The following KCNMB2 variants were observed in gnomAD, a reference collection of about 807,000 sequenced individuals.
KCNMB2 encodes the protein potassium calcium-activated channel subfamily M regulatory beta subunit 2, also known as calcium-activated potassium channel subunit beta-2.
In KCNMB2, 9 loss-of-function variants were observed where a neutral mutation model predicts 24.5. The observed-to-expected ratio is 0.37, with a 90% CI of 0.22 to 0.64. The LOEUF (loss-of-function observed/expected upper bound fraction) is 0.64. Among genes scored for constraint, KCNMB2 ranks in the 30% least tolerant of loss-of-function variants. The pLI, the probability that KCNMB2 is intolerant of heterozygous loss-of-function variation, is 0.63. For missense variants in KCNMB2, 226 were observed against 284.3 expected, an observed-to-expected ratio of 0.79 and a Z score of 1.47; for synonymous variants, 109 against 104.4, an observed-to-expected ratio of 1.04 and a Z score of -0.27.
At chr3:178,695,968 C>A (rs1225032184) in intron 1 of KCNMB2, among the ~76,000 whole-genome samples, 2 of 152,202 alleles carry the variant, frequency 1.3e-5, no homozygotes, top group African/African-American at 2.4e-5. Context: ...AGTCCATGCT[C>A]ACACTGCTAA....
chr3:178,614,812 G>A (rs138160932), intron 1 of KCNMB2, among the ~76,000 whole-genome samples: 5 of 152,226 alleles, frequency 3.3e-5, no homozygotes, highest in African/African-American at 1.2e-4. Flanking sequence ...ATGTTTTCAT[G>A]GATGGTATTG....
chr3:178,675,068 T>C (rs1721027313), intron 1 of KCNMB2, among the ~76,000 whole-genome samples: 2 of 152,208 alleles, frequency 1.3e-5, no homozygotes, highest in Admixed American at 1.3e-4. Context: ...TCTTATTGCT[T>C]TTAATCCTCA....
At chr3:178,550,414 C>T (rs1256310431) in intron 1 of KCNMB2, among the ~76,000 whole-genome samples, 2 of 144,410 alleles carry the variant, frequency 1.4e-5, no homozygotes, top group South Asian at 2.2e-4. Flanking sequence ...GCCAAGATAG[C>T]GCCACTGCAC....
rs185212137 is a variant in KCNMB2 at position 178,641,617 on chromosome 3, A to T, written c.-68+104906A>T. Among the ~76,000 whole-genome samples, 54 of 152,236 alleles carry T rather than the reference A, an allele frequency of 3.5e-4. No individual in the cohort carries two copies. The East Asian group carries it at 5.2e-3, about 15-fold the overall frequency. On this transcript the variant is annotated intron_variant, in intron 1 of 4. Coordinates refer to ENST00000452583, the MANE Select transcript of KCNMB2 (RefSeq NM_181361.3). ...GCACACATAATCATATGTATGAATA[A>T]AGCTTTTTTTTCTTTTTCCCCACTT...
chr3:178,590,571 T>C (rs1341486597), intron 1 of KCNMB2, among the ~76,000 whole-genome samples: 1 of 152,224 alleles, frequency 6.6e-6, no homozygotes, highest in Non-Finnish European at 1.5e-5. Flanking sequence ...TTGGGCACTT[T>C]GTATATTCCA....
At chr3:178,690,989 G>A (rs1252953331) in intron 1 of KCNMB2, among the ~76,000 whole-genome samples, 1 of 151,844 alleles carries the variant, frequency 6.6e-6, no homozygotes, top group African/African-American at 2.4e-5. Context: ...CCAGGCTGGA[G>A]TGCAGTGGTG....
At chr3:178,618,057 A>G (rs1718779659) in intron 1 of KCNMB2, among the ~76,000 whole-genome samples, 1 of 152,166 alleles carries the variant, frequency 6.6e-6, no homozygotes, top group South Asian at 2.1e-4. Flanking sequence ...AGTATCTTTA[A>G]GTAAAAATAA....
At chr3:178,537,535 A>T (rs1490400632) in intron 1 of KCNMB2, 1 of 152,248 alleles carries the variant, frequency 6.6e-6, no homozygotes, top group Non-Finnish European at 1.5e-5. Flanking sequence ...TCCAAAGTCC[A>T]GTCGATAATG....
intron 1 of KCNMB2, among the ~76,000 whole-genome samples, chr3:178,586,513 ATTTTC>A (rs200876903): frequency 0.011 from 1,139 of 103,380 alleles, 17 homozygotes; most frequent in Middle Eastern, 0.03. Flanking sequence ...GGAGAAAGCA[ATTTTC>A]TTTTCTTTTT....
At chr3:178,603,245 T>C (rs1718155043) in intron 1 of KCNMB2, among the ~76,000 whole-genome samples, 1 of 152,202 alleles carries the variant, frequency 6.6e-6, no homozygotes. Context: ...CAAGTGTAAG[T>C]TATTTCAAAT....
chr3:178,816,043 C>T (rs1280482438), intron 2 of KCNMB2, among the ~76,000 whole-genome samples: 1 of 151,712 alleles, frequency 6.6e-6, no homozygotes, highest in African/African-American at 2.4e-5. Context: ...GGTTGGGTAG[C>T]ATTTCATCTT....
chr3:178,681,684 T>C (rs1217061471), intron 1 of KCNMB2, among the ~76,000 whole-genome samples: 1 of 152,242 alleles, frequency 6.6e-6, no homozygotes, highest in Non-Finnish European at 1.5e-5. Context: ...AGCCGGATAC[T>C]GTCATATCGA....
chr3:178,689,976 C>A (rs1721611074), intron 1 of KCNMB2, among the ~76,000 whole-genome samples: 1 of 152,090 alleles, frequency 6.6e-6, no homozygotes, highest in East Asian at 1.9e-4. Flanking sequence ...ACATTTTATG[C>A]AAATTTAGAT....
intron 1 of KCNMB2, among the ~76,000 whole-genome samples, chr3:178,723,850 T>C (rs1722883707): frequency 6.6e-6 from 1 of 152,198 alleles, no homozygotes; most frequent in South Asian, 2.1e-4. Flanking sequence ...TAGTATTCCA[T>C]GGTGTATGTA....
chr3:178,714,141 T>TCA (rs148967867), intron 1 of KCNMB2, among the ~76,000 whole-genome samples: 8 of 151,324 alleles, frequency 5.3e-5, no homozygotes, highest in South Asian at 4.2e-4. Context: ...CTTCCTTCAG[T>TCA]CACACACACA....
At chr3:178,740,966 A>T (rs1052090450) in intron 1 of KCNMB2, among the ~76,000 whole-genome samples, 2 of 152,226 alleles carry the variant, frequency 1.3e-5, no homozygotes, top group Admixed American at 6.5e-5. Flanking sequence ...GTGACAAATT[A>T]AAAAAAGCTT....
chr3:178,726,939 T>A (rs1427211763), intron 1 of KCNMB2, among the ~76,000 whole-genome samples: 1 of 152,006 alleles, frequency 6.6e-6, no homozygotes, highest in Non-Finnish European at 1.5e-5. Flanking sequence ...GATTTTTCCA[T>A]TCTGTTGCGA....
Position 178,842,980 on chromosome 3 carries a change from T to C in KCNMB2, c.*43T>C, listed in dbSNP as rs754819320. 1.3e-6 allele frequency: 2 copies of C among 1,513,556 alleles called. No homozygotes were observed. Among genetic ancestry groups the C allele is most frequent in the South Asian group, 2.4e-5 (2 of 81,914 alleles). The allele number at this position is 1,513,556 out of a possible 1,614,324, so 93.8% of individuals were successfully genotyped here. On this transcript the variant is annotated 3_prime_UTR_variant, in exon 5 of 5. Coordinates refer to ENST00000452583, the MANE Select transcript of KCNMB2 (RefSeq NM_181361.3). Reference sequence around the variant, plus strand: ...ATAATTTTTGTTAAAGCTCAAATACTGTTTTCTTTCATTCTTCACCAAAGA... The same window carrying C: ...ATAATTTTTGTTAAAGCTCAAATACCGTTTTCTTTCATTCTTCACCAAAGA...
At chr3:178,662,823 A>G (rs1720582727) in intron 1 of KCNMB2, among the ~76,000 whole-genome samples, 1 of 152,106 alleles carries the variant, frequency 6.6e-6, no homozygotes, top group Non-Finnish European at 1.5e-5. Flanking sequence ...CACTGTCTTC[A>G]CAGCAACCCC....
Sources: allele counts gnomAD v4.1 joint callset (sites outside exome capture counted in the v4.1 genomes callset), GRCh38; gene constraint gnomAD v4.1.1; transcripts MANE v1.5; gene names NCBI Gene and HGNC (gene_info 2026-07-23, HGNC 2026-07-21).